The following DDI2 variants were observed in gnomAD, a reference collection of about 807,000 sequenced individuals.
DDI2 encodes the protein DDI proteasomal shuttling factor 2.
Under a neutral mutation model 48.1 loss-of-function variants are expected in DDI2, and 5 were observed. The observed-to-expected ratio is 0.10, with a 90% CI of 0.05 to 0.22. The LOEUF (loss-of-function observed/expected upper bound fraction) is 0.22. Ranked by LOEUF, DDI2 falls within the 10% of genes least tolerant of loss-of-function variation. The pLI, the probability that DDI2 is intolerant of heterozygous loss-of-function variation, is 1.00. For missense variants in DDI2, 285 were observed against 506.2 expected, an observed-to-expected ratio of 0.56 and a Z score of 4.19; for synonymous variants, 205 against 183.6, an observed-to-expected ratio of 1.12 and a Z score of -0.94.
chr1:15,630,910 C>T (rs1639833075), intron 3 of DDI2, among the ~76,000 whole-genome samples: 1 of 152,214 alleles, frequency 6.6e-6, no homozygotes, highest in Non-Finnish European at 1.5e-5. Flanking sequence ...GTGGTGCAAT[C>T]TTGGCTCACT....
intron 6 of DDI2, 31 bp from the exon 7 acceptor site, chr1:15,649,689 C>T (rs763451355): frequency 6.2e-7 from 1 of 1,600,044 alleles, no homozygotes; most frequent in East Asian, 2.2e-5. Flanking sequence ...AAGTACGTAA[C>T]AATAACCTTT....
rs758434749 is a variant in DDI2, at chr1:15,661,156, A to G, written c.*1366A>G. 2.5e-6 allele frequency: 4 copies of G among 1,614,106 alleles called. 1 individual carries two copies. The South Asian group carries it at 4.4e-5, about 18-fold the overall frequency. ...TGTATCAGTGGAGACAGAAAAATTA[A>G]CAGGTACTTCATCTGACACTGGAAG... On this transcript the variant is annotated 3_prime_UTR_variant, in exon 10 of 10. Coordinates refer to ENST00000480945, the MANE Select transcript of DDI2 (RefSeq NM_032341.5).
At chr1:15,636,051 A>G (rs1639921980) in intron 4 of DDI2, among the ~76,000 whole-genome samples, 1 of 152,226 alleles carries the variant, frequency 6.6e-6, no homozygotes, top group Non-Finnish European at 1.5e-5. Flanking sequence ...TTGTTGCAAA[A>G]TGACTGATAA....
chr1:15,637,461 G>A (rs562052411), intron 4 of DDI2, among the ~76,000 whole-genome samples: 88 of 152,200 alleles, frequency 5.8e-4, no homozygotes, highest in African/African-American at 1.9e-3. Flanking sequence ...TCCGCCCCCC[G>A]GGTTCAAGCA....
rs1348384137 is a variant in DDI2 at position 15,661,425 on chromosome 1, A to G, written c.*1635A>G. The G allele has an allele frequency of 2.5e-6, 4 of 1,614,136 alleles. No individual in the cohort carries two copies. Among genetic ancestry groups the G allele is most frequent in the Non-Finnish European group, 2.5e-6 (3 of 1,180,024 alleles). On this transcript the variant is annotated 3_prime_UTR_variant, in exon 10 of 10. Transcript: ENST00000480945. ...CTAAGTCTTTGTCATCCAATTTCAT[A>G]TTGGTTAAAGACTTAGGTCAGGGCA...
chr1:15,647,378 G>C (rs1024227274), intron 6 of DDI2, among the ~76,000 whole-genome samples: 2 of 152,054 alleles, frequency 1.3e-5, no homozygotes, highest in Non-Finnish European at 2.9e-5. Flanking sequence ...GAACTCCTGA[G>C]CTCAAAGTGA....
At chr1:15,632,148 G>A (rs541478983) in intron 3 of DDI2, among the ~76,000 whole-genome samples, 2 of 152,172 alleles carry the variant, frequency 1.3e-5, no homozygotes, top group African/African-American at 4.8e-5. Context: ...AGATCCATCT[G>A]TATTGTGTGC....
At chr1:15,633,819 CAG>C (rs1390494261) in intron 4 of DDI2, 3 of 495,960 alleles carry the variant, frequency 6.0e-6, no homozygotes, top group Non-Finnish European at 1.2e-5. Context: ...GACTAGCAGA[CAG>C]AGCATCATAA....
chr1:15,629,129 A>G (rs752884161), intron 2 of DDI2, among the ~76,000 whole-genome samples: 6 of 152,134 alleles, frequency 3.9e-5, no homozygotes, highest in Non-Finnish European at 8.8e-5. Flanking sequence ...TTTCTTTTCT[A>G]TAAAATGATG....
chr1:15,636,491 A>AG (rs1191740755), intron 4 of DDI2, among the ~76,000 whole-genome samples: 1 of 151,772 alleles, frequency 6.6e-6, no homozygotes, highest in Non-Finnish European at 1.5e-5. Context: ...GGCAAAAAAA[A>AG]AAAAAGTATC....
At chr1:15,658,815 G>A (rs1051720615) in intron 9 of DDI2, among the ~76,000 whole-genome samples, 1 of 151,862 alleles carries the variant, frequency 6.6e-6, no homozygotes, top group Non-Finnish European at 1.5e-5. Context: ...CTGGATTGGT[G>A]GCAAAAGAAG....
chr1:15,630,209 C>G (rs1639821019), intron 2 of DDI2, 116 bp from the exon 3 acceptor site: 1 of 914,210 alleles, frequency 1.1e-6, no homozygotes. Context: ...AGGTTAAAGT[C>G]TACAGTTACC....
At chr1:15,631,867 G>A (rs938737026) in intron 3 of DDI2, among the ~76,000 whole-genome samples, 11 of 151,486 alleles carry the variant, frequency 7.3e-5, no homozygotes, top group African/African-American at 2.2e-4. Context: ...GTGCAGTGGC[G>A]CGATCTCTGC....
intron 1 of DDI2, among the ~76,000 whole-genome samples, chr1:15,619,230 C>T (rs1311167930): frequency 6.6e-6 from 1 of 152,012 alleles, no homozygotes; most frequent in Admixed American, 6.6e-5. Context: ...AAGCGATTCT[C>T]CTGCCTCAGC....
chr1:15,660,331 G>C lies in DDI2; in HGVS notation c.*541G>C, dbSNP rs200225759. On this transcript the variant is annotated 3_prime_UTR_variant, in exon 10 of 10. Transcript: ENST00000480945. Reference sequence around the variant, plus strand: ...TCTAGGTGAAAAGGATTGGCATCCAGAAAATCAGAACCTGAGTCAAGTGAG... The same window carrying C: ...TCTAGGTGAAAAGGATTGGCATCCACAAAATCAGAACCTGAGTCAAGTGAG... The C allele has an allele frequency of 6.2e-7, 1 of 1,614,144 alleles. No homozygotes were observed. The highest frequency in any genetic ancestry group is 1.3e-5 in the African/African-American group (1 of 75,050).
chr1:15,636,651 G>A (rs1309011679), intron 4 of DDI2, among the ~76,000 whole-genome samples: 1 of 152,012 alleles, frequency 6.6e-6, no homozygotes, highest in Non-Finnish European at 1.5e-5. Context: ...ATAGTGATAG[G>A]GTCTCACTGT....
chr1:15,661,752 A>G lies in DDI2; in HGVS notation c.*1962A>G. The G allele has an allele frequency of 1.9e-6, 3 of 1,567,146 alleles. No homozygotes were observed. The highest frequency in any genetic ancestry group is 8.6e-7 in the Non-Finnish European group (1 of 1,157,652). On this transcript the variant is annotated 3_prime_UTR_variant, in exon 10 of 10. Coordinates refer to ENST00000480945, the MANE Select transcript of DDI2 (RefSeq NM_032341.5). Reference sequence around the variant, plus strand: ...GGGAAAGTGGGCTAGACCGTTCTCCATTCCCTTTAAACAAAAGAAAGCTCT... The same window carrying G: ...GGGAAAGTGGGCTAGACCGTTCTCCGTTCCCTTTAAACAAAAGAAAGCTCT...
At chr1:15,647,106 G>A (rs1640103408) in intron 6 of DDI2, among the ~76,000 whole-genome samples, 1 of 151,790 alleles carries the variant, frequency 6.6e-6, no homozygotes, top group African/African-American at 2.4e-5. Flanking sequence ...ATAGCATTCT[G>A]TTGCAGGTTT....
intron 9 of DDI2, among the ~76,000 whole-genome samples, chr1:15,658,485 G>A (rs1027704804): frequency 2.3e-5 from 3 of 132,268 alleles, no homozygotes; most frequent in African/African-American, 9.3e-5. Flanking sequence ...TACAATGGTC[G>A]GGTGCGGTGG....
Sources: gnomAD v4.1 joint callset for allele counts (sites outside exome capture counted in the v4.1 genomes callset) on GRCh38, gnomAD v4.1.1 for gene constraint, MANE v1.5 for transcripts, NCBI Gene and HGNC (gene_info 2026-07-23, HGNC 2026-07-21) for gene names.